ABLIM2: variants seen among roughly 807,000 people sequenced by gnomAD.
The protein encoded by ABLIM2 is actin binding LIM protein family member 2.
In ABLIM2, 53 loss-of-function variants were observed where a neutral mutation model predicts 97.7. The observed-to-expected ratio is 0.54, with a 90% confidence interval of 0.44 to 0.68. ABLIM2 has a LOEUF of 0.68. ABLIM2 is among the 30% of genes least tolerant of loss of function. ABLIM2 has a pLI of 0.00. For synonymous variants in ABLIM2, 361 were observed against 345.8 expected (o/e 1.04, Z -0.49); for missense variants, 835 against 867.2 (o/e 0.96, Z 0.47).
At chr4:8,104,486 T>A (rs1303358922) in intron 2 of ABLIM2, among the ~76,000 whole-genome samples, 2 of 152,194 alleles carry the variant, frequency 1.3e-5, no homozygotes, top group East Asian at 3.9e-4. Context: ...AGGGAATCCC[T>A]GGATCCAGGT....
At chr4:8,076,352 C>T (rs1177229631) in intron 6 of ABLIM2, among the ~76,000 whole-genome samples, 2 of 152,222 alleles carry the variant, frequency 1.3e-5, no homozygotes, top group Non-Finnish European at 2.9e-5. Flanking sequence ...GTCCTGGGTA[C>T]CAGCTGTGGG....
rs1476570824 is a variant in ABLIM2 at position 8,033,603 on chromosome 4, C to T, written c.1047+2546G>A. Among the ~76,000 whole-genome samples the T allele has an allele frequency of 2.0e-5, 3 of 152,292 alleles. No individual in the cohort carries two copies. The highest frequency in any genetic ancestry group is 2.1e-4 in the South Asian group (1 of 4,826). ...AGCGGAAGCTCACACACAGGTGCCA[C>T]TGTTTAGCAGAGCGGGAGGCCAACC... On this transcript the variant is annotated intron_variant, in intron 10 of 20. Coordinates refer to ENST00000447017, the MANE Select transcript of ABLIM2 (RefSeq NM_001130083.2). The surrounding 1 kb of genome is among the most constrained non-coding windows in gnomAD (Gnocchi z 4.5).
chr4:8,143,668 C>T (rs940013708), intron 1 of ABLIM2, among the ~76,000 whole-genome samples: 2 of 152,186 alleles, frequency 1.3e-5, no homozygotes, highest in African/African-American at 4.8e-5. Flanking sequence ...CTGAGAAGTG[C>T]TTTCTCATGG....
Position 8,019,840 on chromosome 4 carries a change from C to T in ABLIM2, c.1370-169G>A, listed in dbSNP as rs534519758. Among the ~76,000 whole-genome samples the T allele has an allele frequency of 1.3e-5, 2 of 152,306 alleles. No individual in the cohort carries two copies. The highest frequency in any genetic ancestry group is 4.2e-4 in the South Asian group (2 of 4,816). On this transcript the variant is annotated intron_variant, in intron 13 of 20. Transcript: ENST00000447017. This position sits in a 1 kb window ranked among gnomAD's most constrained non-coding sequence, Gnocchi z 4.3. ...CAGACACCCAGGCCCCAGATCAAGC[C>T]TCCCTGACTCCAGATGCCACCCTCA...
At chr4:8,050,333 A>G (rs567341194) in intron 8 of ABLIM2, among the ~76,000 whole-genome samples, 2 of 152,282 alleles carry the variant, frequency 1.3e-5, no homozygotes, top group South Asian at 4.2e-4. Context: ...CAGAAGGGGC[A>G]GCCATGCGAT....
At chr4:7,997,950 C>G (rs530033310) in intron 16 of ABLIM2, among the ~76,000 whole-genome samples, 74 of 151,758 alleles carry the variant, frequency 4.9e-4, no homozygotes, top group African/African-American at 1.7e-3. Flanking sequence ...GGCACCATCT[C>G]GGCTCACCAC....
At chr4:8,050,840 AGCCTGCGCC>A (rs1795548218) in intron 8 of ABLIM2, among the ~76,000 whole-genome samples, 1 of 152,246 alleles carries the variant, frequency 6.6e-6, no homozygotes, top group Admixed American at 6.5e-5. Flanking sequence ...AGCCGCTCTC[AGCCTGCGCC>A]GCCTCCTCCC....
At chr4:8,027,246 T>C (rs1450075528) in intron 12 of ABLIM2, among the ~76,000 whole-genome samples, 2 of 152,136 alleles carry the variant, frequency 1.3e-5, no homozygotes, top group African/African-American at 2.4e-5. Context: ...AGCATGTGGG[T>C]GCCCGTGCAG....
intron 8 of ABLIM2, among the ~76,000 whole-genome samples, chr4:8,048,419 A>G (rs1295387812): frequency 6.6e-6 from 1 of 152,144 alleles, no homozygotes; most frequent in Non-Finnish European, 1.5e-5. Context: ...GTCCTTCAAC[A>G]GTCACTGGGG....
At position 7,967,105 on chromosome 4, in the gene ABLIM2, T is replaced by C. The variant is rs1180013406; in HGVS notation, c.1825-2A>G. 6.2e-7 allele frequency: 1 copy of C among 1,613,178 alleles called. No individual in the cohort carries two copies. On this transcript the variant is annotated splice_acceptor_variant, in intron 20 of 20. Transcript: ENST00000447017. LOFTEE classifies it high-confidence loss of function. ...GAACTCCTCGGGCGACAAGTGTCTCTTCAAACAAAAAGGCAAAACAGAAGG... is the reference window on the plus strand; with the variant it reads ...GAACTCCTCGGGCGACAAGTGTCTCCTCAAACAAAAAGGCAAAACAGAAGG...
At chr4:7,989,833 C>T (rs1747247752) in intron 17 of ABLIM2, among the ~76,000 whole-genome samples, 1 of 152,184 alleles carries the variant, frequency 6.6e-6, no homozygotes, top group Non-Finnish European at 1.5e-5. Context: ...CACCAGTCGT[C>T]ACTCTCTGAA....
intron 1 of ABLIM2, among the ~76,000 whole-genome samples, chr4:8,158,315 G>GC (rs1296173379): frequency 6.6e-6 from 1 of 152,212 alleles, no homozygotes; most frequent in Non-Finnish European, 1.5e-5. Flanking sequence ...GTCTGCTGGG[G>GC]CCCCGGCCCT....
chr4:7,967,590 C>G (rs1269189045), intron 20 of ABLIM2, among the ~76,000 whole-genome samples: 1 of 152,218 alleles, frequency 6.6e-6, no homozygotes, highest in Non-Finnish European at 1.5e-5. Flanking sequence ...CAGGCACGGC[C>G]CAGGCCCAGG....
chr4:8,057,439 C>A (rs904325862), intron 7 of ABLIM2, among the ~76,000 whole-genome samples: 3 of 152,190 alleles, frequency 2.0e-5, no homozygotes, highest in African/African-American at 4.8e-5. Context: ...ATTGCAGGGG[C>A]TCCACTGCAC....
intron 20 of ABLIM2, among the ~76,000 whole-genome samples, chr4:7,968,517 C>T (rs1419556073): frequency 3.3e-5 from 5 of 152,210 alleles, no homozygotes; most frequent in African/African-American, 1.2e-4. Flanking sequence ...CGTGAAGTTC[C>T]GACACATGCC....
chr4:8,104,665 C>T lies in ABLIM2; in HGVS notation c.154+1829G>A, dbSNP rs535981686. ...GTGCAGCCCCCTTGGGGTCCCAGGG[C>T]CAGTGGAGAGCTGGCTGAGCTCAGC... On this transcript the variant is annotated intron_variant, in intron 2 of 20. Coordinates refer to ENST00000447017, the MANE Select transcript of ABLIM2 (RefSeq NM_001130083.2). Among the ~76,000 whole-genome samples, 8 of 152,274 alleles carry T rather than the reference C, an allele frequency of 5.3e-5. No homozygotes were observed. In the South Asian group the frequency reaches 1.7e-3, roughly 32 times the overall value.
chr4:8,136,239 G>A (rs1429777290), intron 1 of ABLIM2, among the ~76,000 whole-genome samples: 3 of 152,162 alleles, frequency 2.0e-5, no homozygotes, highest in Admixed American at 6.5e-5. Context: ...CCCAAGAGTC[G>A]TCAACTTCAT....
At chr4:8,090,393 TAC>T (rs746725330) in intron 3 of ABLIM2, among the ~76,000 whole-genome samples, 22 of 152,226 alleles carry the variant, frequency 1.4e-4, no homozygotes, top group Non-Finnish European at 2.9e-4. Context: ...TTTGTATTCA[TAC>T]ATTCATTCGC....
At chr4:8,025,583 G>T (rs1468202904) in intron 12 of ABLIM2, among the ~76,000 whole-genome samples, 1 of 152,220 alleles carries the variant, frequency 6.6e-6, no homozygotes, top group Non-Finnish European at 1.5e-5. Flanking sequence ...CCTGTCCTGG[G>T]CCTTCTTCAC....
Sources: allele counts gnomAD v4.1 joint callset (sites outside exome capture counted in the v4.1 genomes callset), GRCh38; gene constraint gnomAD v4.1.1; non-coding constraint Gnocchi (gnomAD v3.1); transcripts MANE v1.5; gene names NCBI Gene and HGNC (gene_info 2026-07-23, HGNC 2026-07-21).